The following GPM6A variants were observed in gnomAD, a reference collection of about 807,000 sequenced individuals.
GPM6A encodes the protein neuronal membrane glycoprotein M6-a.
In GPM6A, 7 loss-of-function variants were observed where a neutral mutation model predicts 32.1. That is an observed-to-expected ratio of 0.22 (90% CI 0.12 to 0.41). The LOEUF (loss-of-function observed/expected upper bound fraction) is 0.41, where lower values mean the gene tolerates loss of function less well. Ranked by LOEUF, GPM6A falls within the 10% of genes least tolerant of loss-of-function variation. GPM6A has a pLI of 1.00. For missense variants in GPM6A, 235 were observed against 347.2 expected, an observed-to-expected ratio of 0.68 and a Z score of 2.57; for synonymous variants, 130 against 123.4, an observed-to-expected ratio of 1.05 and a Z score of -0.35.
At chr4:175,991,053 CTTTCTT>C (rs1389879399) in intron 1 of GPM6A, among the ~76,000 whole-genome samples, 1 of 149,756 alleles carries the variant, frequency 6.7e-6, no homozygotes, top group Non-Finnish European at 1.5e-5. Context: ...TTAAATCTTT[CTTTCTT>C]TCTTTATCTT....
At chr4:175,708,252 A>G (rs1745318959) in intron 1 of GPM6A, among the ~76,000 whole-genome samples, 1 of 152,184 alleles carries the variant, frequency 6.6e-6, no homozygotes, top group African/African-American at 2.4e-5. Context: ...CTGGAATATC[A>G]GTTTCAATTT....
chr4:175,657,358 T>C (rs1742135840), intron 3 of GPM6A, among the ~76,000 whole-genome samples: 1 of 152,194 alleles, frequency 6.6e-6, no homozygotes, highest in Admixed American at 6.5e-5. Flanking sequence ...CTGGTTAATG[T>C]GAGAGAGAAA....
chr4:175,984,203 C>T (rs1392931284), intron 1 of GPM6A, among the ~76,000 whole-genome samples: 4 of 152,160 alleles, frequency 2.6e-5, no homozygotes, highest in South Asian at 2.1e-4. Flanking sequence ...TGCTCTGTCA[C>T]CCAAGCTAGA....
chr4:175,663,644 CT>C (rs1475236577), intron 3 of GPM6A, among the ~76,000 whole-genome samples: 1 of 151,696 alleles, frequency 6.6e-6, no homozygotes, highest in African/African-American at 2.4e-5. Flanking sequence ...ATATATACAA[CT>C]TTTACTTGTC....
intron 1 of GPM6A, among the ~76,000 whole-genome samples, chr4:175,952,259 G>T (rs1446367792): frequency 6.6e-6 from 1 of 152,178 alleles, no homozygotes; most frequent in Non-Finnish European, 1.5e-5. Context: ...TTTTATGTTT[G>T]AAATATTCAA....
intron 1 of GPM6A, among the ~76,000 whole-genome samples, chr4:175,923,870 G>C (rs575108051): frequency 6.6e-6 from 1 of 152,022 alleles, no homozygotes; most frequent in Admixed American, 6.6e-5. Flanking sequence ...TTCTGCTTTT[G>C]AATCAAGTCC....
At chr4:175,917,085 G>A (rs1738516554) in intron 1 of GPM6A, among the ~76,000 whole-genome samples, 1 of 152,068 alleles carries the variant, frequency 6.6e-6, no homozygotes, top group Admixed American at 6.6e-5. Context: ...TTAAGTCCTG[G>A]CAAATATCAT....
chr4:175,878,623 C>T (rs531307549), intron 1 of GPM6A, among the ~76,000 whole-genome samples: 1 of 152,180 alleles, frequency 6.6e-6, no homozygotes, highest in Admixed American at 6.5e-5. Context: ...CTGGGCCTGG[C>T]TCAAAAGATC....
chr4:175,867,457 G>A (rs1358843191), intron 1 of GPM6A, among the ~76,000 whole-genome samples: 1 of 151,764 alleles, frequency 6.6e-6, no homozygotes, highest in Non-Finnish European at 1.5e-5. Context: ...TGCCTAGATT[G>A]TTTTACCTAG....
intron 1 of GPM6A, among the ~76,000 whole-genome samples, chr4:175,890,709 A>G (rs537455803): frequency 1.3e-5 from 2 of 152,038 alleles, no homozygotes; most frequent in South Asian, 4.2e-4. Context: ...GCATGCAATC[A>G]AACCCAGCTA....
chr4:175,860,680 C>T (rs922633509), intron 1 of GPM6A, among the ~76,000 whole-genome samples: 2 of 152,134 alleles, frequency 1.3e-5, no homozygotes, highest in African/African-American at 4.8e-5. Context: ...ACTTCGGTGA[C>T]AAGCAAGCAG....
chr4:175,828,611 C>T (rs1579546834), intron 1 of GPM6A, among the ~76,000 whole-genome samples: 2 of 152,222 alleles, frequency 1.3e-5, no homozygotes, highest in South Asian at 4.1e-4. Context: ...ATAAAATTAG[C>T]TTAATTGCTT....
At chr4:175,949,509 C>A (rs1340079261) in intron 1 of GPM6A, among the ~76,000 whole-genome samples, 1 of 152,180 alleles carries the variant, frequency 6.6e-6, no homozygotes, top group African/African-American at 2.4e-5. Context: ...TTAAAATCAT[C>A]ATTAACTGTG....
chr4:175,805,039 T>C (rs1473285416), intron 1 of GPM6A, among the ~76,000 whole-genome samples: 1 of 151,414 alleles, frequency 6.6e-6, no homozygotes, highest in Admixed American at 6.6e-5. Flanking sequence ...CGAGACTCCA[T>C]CTCAAAAAAA....
chr4:175,820,398 AT>A (rs1052643426), intron 1 of GPM6A, among the ~76,000 whole-genome samples: 9 of 151,628 alleles, frequency 5.9e-5, no homozygotes, highest in African/African-American at 2.2e-4. Context: ...TGTCCTTATT[AT>A]TTAATATGTG....
chr4:175,763,150 A>G (rs1379121588), intron 1 of GPM6A, among the ~76,000 whole-genome samples: 1 of 152,134 alleles, frequency 6.6e-6, no homozygotes, highest in East Asian at 1.9e-4. Context: ...ATACATTTTC[A>G]ATTATTTTTA....
chr4:175,684,359 C>CA (rs565291847), intron 2 of GPM6A, among the ~76,000 whole-genome samples: 39 of 152,246 alleles, frequency 2.6e-4, no homozygotes, highest in African/African-American at 8.9e-4. Flanking sequence ...GATTTTATCA[C>CA]AGTTAGAAGC....
chr4:175,645,078 C>A (rs531586505), intron 4 of GPM6A, among the ~76,000 whole-genome samples: 1 of 151,964 alleles, frequency 6.6e-6, no homozygotes, highest in Non-Finnish European at 1.5e-5. Flanking sequence ...CCAGCCTGGG[C>A]GACAGAGTGA....
chr4:175,748,515 C>A (rs569637154), intron 1 of GPM6A, among the ~76,000 whole-genome samples: 120 of 152,260 alleles, frequency 7.9e-4, no homozygotes, highest in Middle Eastern at 3.4e-3. Context: ...TAAAATACAT[C>A]ATTTTTTTCT....
Sources: gnomAD v4.1 joint callset for allele counts (sites outside exome capture counted in the v4.1 genomes callset) on GRCh38, gnomAD v4.1.1 for gene constraint, MANE v1.5 for transcripts, NCBI Gene and HGNC (gene_info 2026-07-23, HGNC 2026-07-21) for gene names.